PRKAR2B: variants seen among roughly 807,000 people sequenced by gnomAD.
PRKAR2B encodes the protein cAMP-dependent protein kinase type II-beta regulatory subunit.
In PRKAR2B, 14 loss-of-function variants were observed where a neutral mutation model predicts 49.9. That is an observed-to-expected ratio of 0.28 (90% CI 0.19 to 0.44). The LOEUF (loss-of-function observed/expected upper bound fraction) is 0.44, where lower values mean the gene tolerates loss of function less well. Ranked by LOEUF, PRKAR2B falls within the 20% of genes least tolerant of loss-of-function variation. The pLI, the probability that PRKAR2B is intolerant of heterozygous loss-of-function variation, is 1.00. For synonymous variants in PRKAR2B, 196 were observed against 197.7 expected, an observed-to-expected ratio of 0.99 and a Z score of 0.07; for missense variants, 393 against 537.9, an observed-to-expected ratio of 0.73 and a Z score of 2.67.
chr7:107,136,677 G>A (rs1018209323), intron 4 of PRKAR2B, among the ~76,000 whole-genome samples: 2 of 152,212 alleles, frequency 1.3e-5, no homozygotes, highest in African/African-American at 4.8e-5. Context: ...GGTGAACATA[G>A]GTGGTTCAAC....
rs28624391 is a variant in PRKAR2B at position 107,137,361 on chromosome 7, G to A, written c.481-3486G>A. ...ATTACCCTTCTTTGAGTGTTCTCTC[G>A]CTGCCAGTGACTCCTTTGAAAGACA... On this transcript the variant is annotated intron_variant, in intron 4 of 10. Coordinates refer to ENST00000265717, the MANE Select transcript of PRKAR2B (RefSeq NM_002736.3). Among the ~76,000 whole-genome samples, 480 of 152,186 alleles carry A rather than the reference G, an allele frequency of 3.2e-3. 2 individuals carry two copies. The highest frequency in any genetic ancestry group is 0.011 in the African/African-American group (450 of 41,528).
At chr7:107,125,481 G>T (rs1795465458) in intron 3 of PRKAR2B, among the ~76,000 whole-genome samples, 1 of 152,102 alleles carries the variant, frequency 6.6e-6, no homozygotes, top group Admixed American at 6.6e-5. Context: ...TCACACTTTG[G>T]GTGTATTGCT....
intron 2 of PRKAR2B, among the ~76,000 whole-genome samples, chr7:107,119,025 A>G (rs146819412): frequency 1.3e-5 from 2 of 152,348 alleles, no homozygotes; most frequent in Non-Finnish European, 2.9e-5. Context: ...TAAAGTGGGT[A>G]TCACAAATCA....
chr7:107,121,372 A>G (rs533548149), intron 2 of PRKAR2B, among the ~76,000 whole-genome samples: 66 of 152,308 alleles, frequency 4.3e-4, no homozygotes, highest in South Asian at 2.7e-3. Context: ...CAATCCTTAA[A>G]TGATAATCTT....
chr7:107,111,273 G>T (rs1020573269), intron 2 of PRKAR2B, among the ~76,000 whole-genome samples: 1 of 152,200 alleles, frequency 6.6e-6, no homozygotes, highest in Non-Finnish European at 1.5e-5. Flanking sequence ...TAAGATTTTT[G>T]ACTGTAGTCC....
In PRKAR2B at chr7:107,127,261, TTGAG is replaced by T. The variant is rs780420247; in HGVS notation, c.397-946_397-943del. ...GCCCATCAGCTCTTGTGGTCACTCT[TTGAG>T]TGAGCATTGGAATAGGAAAGGGTGG... On this transcript the variant is annotated intron_variant, in intron 3 of 10. Coordinates refer to ENST00000265717, the MANE Select transcript of PRKAR2B (RefSeq NM_002736.3). Among the ~76,000 whole-genome samples the T allele has an allele frequency of 2.2e-4, 34 of 152,344 alleles. 1 individual carries two copies. Among genetic ancestry groups the T allele is most frequent in the African/African-American group, 7.0e-4 (29 of 41,596 alleles).
intron 1 of PRKAR2B, among the ~76,000 whole-genome samples, chr7:107,048,397 GT>G (rs142358370): frequency 3.3e-5 from 5 of 151,148 alleles, no homozygotes; most frequent in South Asian, 2.1e-4. Context: ...AGGTTTTCCT[GT>G]TTTTTTTTCT....
chr7:107,072,179 T>C (rs1794292606), intron 2 of PRKAR2B, among the ~76,000 whole-genome samples: 1 of 151,726 alleles, frequency 6.6e-6, no homozygotes, highest in Non-Finnish European at 1.5e-5. Context: ...ATGTTGCATT[T>C]ATTCCCAGAA....
chr7:107,117,481 T>A (rs1795297781), intron 2 of PRKAR2B, among the ~76,000 whole-genome samples: 1 of 152,216 alleles, frequency 6.6e-6, no homozygotes, highest in Non-Finnish European at 1.5e-5. Flanking sequence ...AAACTGTATT[T>A]GCCTTTTATT....
At chr7:107,156,846 T>G (rs768680801) in intron 8 of PRKAR2B, 138 bp from the exon 9 acceptor site, 2 of 730,314 alleles carry the variant, frequency 2.7e-6, no homozygotes, top group Non-Finnish European at 4.7e-6. Context: ...CCGAGACAGC[T>G]TGTTCCCTTA....
chr7:107,056,868 G>T (rs1481428008), intron 1 of PRKAR2B, among the ~76,000 whole-genome samples: 1 of 152,148 alleles, frequency 6.6e-6, no homozygotes, highest in East Asian at 1.9e-4. Context: ...ACAACGTGAG[G>T]CTTGGGCCTG....
chr7:107,135,142 A>G (rs1795675774), intron 4 of PRKAR2B, among the ~76,000 whole-genome samples: 2 of 152,164 alleles, frequency 1.3e-5, no homozygotes, highest in African/African-American at 4.8e-5. Context: ...CAAAAATTCC[A>G]ATTTAGAAAT....
In PRKAR2B at chr7:107,157,240, G is replaced by A; in HGVS notation, c.1039G>A (p.Gly347Arg). The A allele has an allele frequency of 3.1e-6, 5 of 1,614,178 alleles. No individual in the cohort carries two copies. The highest frequency in any genetic ancestry group is 1.1e-5 in the South Asian group (1 of 91,072). ...GAVEIARCSR[G>R]QYFGELALVT... The stretch of plus-strand genomic sequence containing the variant: ...AGTAGAAATCGCTCGATGCTCGCGG[G>A]GACAGTACTTTGGAGAGCTTGCCCT... Residue 347 changes from glycine to arginine, a missense_variant, in exon 10 of 11, where the codon GGA becomes AGA. This residue lies in a region of PRKAR2B where 233 missense variants were observed against 390.4 expected (regional missense o/e 0.60). Transcript: ENST00000265717.
At position 107,044,816 on chromosome 7, in the gene PRKAR2B, C is replaced by T. The variant is rs1454108607; in HGVS notation, c.-92C>T. 16 of 1,078,754 alleles carry T rather than the reference C, an allele frequency of 1.5e-5. No individual in the cohort carries two copies. Among genetic ancestry groups the T allele is most frequent in the South Asian group, 3.2e-5 (1 of 31,154 alleles). 66.8% of individuals were successfully genotyped at this position (1,078,754 alleles called of 1,614,324 possible). A position where few individuals can be genotyped will look rare whatever the true frequency, so the allele number is the denominator to read the frequency against. On this transcript the variant is annotated 5_prime_UTR_variant, in exon 1 of 11. Transcript: ENST00000265717. ...GCTCGCAGCCGGTAGCGCGCCAGCG[C>T]CGTAGGCGCTCGCTCGGCAGCCGCG...
chr7:107,056,400 CTTGGGCAG>C (rs1265260579), intron 1 of PRKAR2B, among the ~76,000 whole-genome samples: 1 of 152,152 alleles, frequency 6.6e-6, no homozygotes, highest in Non-Finnish European at 1.5e-5. Flanking sequence ...TATAAATTAC[CTTGGGCAG>C]TATGGCCATT....
intron 2 of PRKAR2B, among the ~76,000 whole-genome samples, chr7:107,072,030 C>A (rs1794287211): frequency 6.7e-6 from 1 of 150,168 alleles, no homozygotes. Context: ...GATTGCACCA[C>A]TGCACTCCAG....
chr7:107,158,759 C>A (rs1408618896), intron 10 of PRKAR2B, among the ~76,000 whole-genome samples: 1 of 152,140 alleles, frequency 6.6e-6, no homozygotes, highest in Non-Finnish European at 1.5e-5. Context: ...TGCCCATTCA[C>A]CCTATTCTTG....
At chr7:107,101,343 G>A (rs1486571303) in intron 2 of PRKAR2B, among the ~76,000 whole-genome samples, 2 of 151,988 alleles carry the variant, frequency 1.3e-5, no homozygotes, top group Non-Finnish European at 2.9e-5. Flanking sequence ...TGTGAGTTTG[G>A]GGGCATATCC....
At chr7:107,056,219 C>A (rs943493449) in intron 1 of PRKAR2B, among the ~76,000 whole-genome samples, 8 of 152,142 alleles carry the variant, frequency 5.3e-5, no homozygotes, top group Non-Finnish European at 7.3e-5. Flanking sequence ...GTTACCATAG[C>A]CTTGTAGTAT....
Sources: gnomAD v4.1 joint callset for allele counts (sites outside exome capture counted in the v4.1 genomes callset) on GRCh38, gnomAD v4.1.1 for gene constraint, gnomAD v4.1.1 regional missense constraint, MANE v1.5 for transcripts, NCBI Gene and HGNC (gene_info 2026-07-23, HGNC 2026-07-21) for gene names.